ATP6V0D1: variants seen among roughly 807,000 people sequenced by gnomAD.
ATP6V0D1 encodes V-type proton ATPase subunit d 1.
ATP6V0D1 carries 13 observed loss-of-function variants against 39.0 expected under a neutral mutation model. The observed-to-expected ratio is 0.33, with a 90% confidence interval of 0.22 to 0.53. The LOEUF (loss-of-function observed/expected upper bound fraction) is 0.53. ATP6V0D1 is among the 20% of genes least tolerant of loss of function. The pLI is 0.94. For synonymous variants in ATP6V0D1, 191 were observed against 191.2 expected, an observed-to-expected ratio of 1.00 and a Z score of 0.01; for missense variants, 272 against 470.9, an observed-to-expected ratio of 0.58 and a Z score of 3.91.
chr16:67,457,736 C>T (rs1567538759), intron 1 of ATP6V0D1: 4 of 957,446 alleles, frequency 4.2e-6, no homozygotes, highest in Non-Finnish European at 5.8e-6. Context: ...CACTCCTGGG[C>T]TCAGCAAGGG....
chr16:67,442,559 G>T (rs1425289527), intron 4 of ATP6V0D1, among the ~76,000 whole-genome samples: 1 of 151,832 alleles, frequency 6.6e-6, no homozygotes, highest in African/African-American at 2.4e-5. Flanking sequence ...CTCAGGGGTT[G>T]CCCAGTCTAT....
At chr16:67,459,360 T>C (rs1276880318) in intron 1 of ATP6V0D1, 11 of 710,578 alleles carry the variant, frequency 1.5e-5, no homozygotes, top group African/African-American at 1.9e-5. Context: ...TCAAGGACCA[T>C]TGCCCTGGCT....
At chr16:67,443,749 G>A (rs1229656982) in intron 3 of ATP6V0D1, among the ~76,000 whole-genome samples, 1 of 152,190 alleles carries the variant, frequency 6.6e-6, no homozygotes, top group Non-Finnish European at 1.5e-5. Flanking sequence ...CATTAAAGAT[G>A]GAGAAACTGA....
chr16:67,438,185 A>G lies in ATP6V0D1; in HGVS notation c.*343T>C. 3.5e-6 allele frequency: 1 copy of G among 289,776 alleles called. No homozygotes were observed. Among genetic ancestry groups the G allele is most frequent in the South Asian group, 3.9e-5 (1 of 25,938 alleles). 18.0% of individuals were successfully genotyped at this position (289,776 alleles called of 1,614,324 possible). On this transcript the variant is annotated 3_prime_UTR_variant, in exon 8 of 8. Coordinates refer to ENST00000290949, the MANE Select transcript of ATP6V0D1 (RefSeq NM_004691.5). ...GGGAGAGGAGGCTCAAACTGCCCCC[A>G]GGCCCCAGGGTTCTCAGGTCAGGGA...
intron 2 of ATP6V0D1, among the ~76,000 whole-genome samples, chr16:67,446,559 G>C (rs539356163): frequency 9.8e-5 from 15 of 152,298 alleles, no homozygotes; most frequent in African/African-American, 3.1e-4. Context: ...GGACCTCAGA[G>C]CTCGCCAGAG....
At chr16:67,448,919 G>T (rs918457751) in intron 2 of ATP6V0D1, among the ~76,000 whole-genome samples, 1 of 152,220 alleles carries the variant, frequency 6.6e-6, no homozygotes, top group Non-Finnish European at 1.5e-5. Flanking sequence ...CAACTGCAGA[G>T]TCCTGCCATG....
At chr16:67,459,727 C>CA (rs753645193) in intron 1 of ATP6V0D1, among the ~76,000 whole-genome samples, 3 of 152,254 alleles carry the variant, frequency 2.0e-5, no homozygotes, top group Non-Finnish European at 4.4e-5. Context: ...CTCCCAGGCT[C>CA]AGATGGCACA....
chr16:67,444,934 C>A lies in ATP6V0D1; in HGVS notation c.303-228G>T, dbSNP rs559951930. On this transcript the variant is annotated intron_variant, in intron 2 of 7. Coordinates refer to ENST00000290949, the MANE Select transcript of ATP6V0D1 (RefSeq NM_004691.5). This position sits in a 1 kb window ranked among gnomAD's most constrained non-coding sequence, Gnocchi z 4.8. ...CTAGGACAGACACAGGCCCCCCAAA[C>A]GGGCGGGGGCAGGGGATTCATGCCC... is the stretch of plus-strand genomic sequence containing the variant. Among the ~76,000 whole-genome samples the A allele has an allele frequency of 6.6e-6, 1 of 152,172 alleles. No homozygotes were observed. Among genetic ancestry groups the A allele is most frequent in the Admixed American group, 6.5e-5 (1 of 15,278 alleles).
chr16:67,457,568 C>T (rs1409900216), intron 1 of ATP6V0D1: 1 of 1,289,468 alleles, frequency 7.8e-7, no homozygotes, highest in Non-Finnish European at 1.0e-6. Context: ...GCTCACCTGA[C>T]AGGCATGGAC....
intron 1 of ATP6V0D1, among the ~76,000 whole-genome samples, chr16:67,473,114 T>G (rs540453563): frequency 6.6e-6 from 1 of 152,152 alleles, no homozygotes; most frequent in African/African-American, 2.4e-5. Context: ...TCCTTCCACC[T>G]CCCAAGGCTG....
chr16:67,476,518 T>A (rs1434143963), intron 1 of ATP6V0D1, among the ~76,000 whole-genome samples: 1 of 152,148 alleles, frequency 6.6e-6, no homozygotes, highest in Non-Finnish European at 1.5e-5. Context: ...AAATAAGCAT[T>A]TATCTTAACC....
At chr16:67,477,026 A>T (rs1045147727) in intron 1 of ATP6V0D1, among the ~76,000 whole-genome samples, 9 of 111,296 alleles carry the variant, frequency 8.1e-5, no homozygotes, top group East Asian at 2.1e-4. Flanking sequence ...GTCTCAAATT[A>T]AAAAAAAAAA....
chr16:67,443,285 G>T, intron 3 of ATP6V0D1, 107 bp from the exon 4 acceptor site: 2 of 1,178,380 alleles, frequency 1.7e-6, no homozygotes, highest in Non-Finnish European at 1.2e-6. Flanking sequence ...GGCCCACAGG[G>T]CTGGGTATTG....
intron 1 of ATP6V0D1, chr16:67,454,789 G>A (rs2041220954): frequency 6.6e-6 from 1 of 152,242 alleles, no homozygotes; most frequent in African/African-American, 2.4e-5. Context: ...GAGCCCTCAT[G>A]TGGTGGTCCC....
At chr16:67,458,887 C>T (rs1426172290) in intron 1 of ATP6V0D1, 1 of 195,694 alleles carries the variant, frequency 5.1e-6, no homozygotes, top group Non-Finnish European at 9.3e-6. Flanking sequence ...GACTCTCCCC[C>T]CAGCTCCATC....
intron 1 of ATP6V0D1, among the ~76,000 whole-genome samples, chr16:67,462,691 A>C (rs1205395533): frequency 6.6e-6 from 1 of 152,170 alleles, no homozygotes; most frequent in Admixed American, 6.5e-5. Context: ...AGCCCAGCGC[A>C]GTGGTACATG....
At chr16:67,443,375 C>T in intron 3 of ATP6V0D1, 197 bp from the exon 4 acceptor site, 1 of 561,296 alleles carries the variant, frequency 1.8e-6, no homozygotes, top group East Asian at 2.8e-5. Flanking sequence ...TGAGCTTCTC[C>T]TGCCTCCTTG....
chr16:67,459,402 C>G (rs1007113779), intron 1 of ATP6V0D1, among the ~76,000 whole-genome samples: 4 of 152,186 alleles, frequency 2.6e-5, no homozygotes, highest in African/African-American at 7.2e-5. Flanking sequence ...TTTGAAGAGG[C>G]CTGGGAAGGC....
At chr16:67,462,214 G>A (rs929023519) in intron 1 of ATP6V0D1, among the ~76,000 whole-genome samples, 4 of 152,200 alleles carry the variant, frequency 2.6e-5, no homozygotes, top group African/African-American at 9.6e-5. Flanking sequence ...AGGGCTTGCA[G>A]GGCAGCTTTC....
Sources: allele counts gnomAD v4.1 joint callset (sites outside exome capture counted in the v4.1 genomes callset), GRCh38; gene constraint gnomAD v4.1.1; non-coding constraint Gnocchi (gnomAD v3.1); transcripts MANE v1.5; gene names NCBI Gene and HGNC (gene_info 2026-07-23, HGNC 2026-07-21).